CDH18: variants seen among roughly 807,000 people sequenced by gnomAD.
CDH18 encodes cadherin 18.
CDH18 carries 31 observed loss-of-function variants against 67.9 expected under a neutral mutation model. The observed-to-expected ratio is 0.46, with a 90% confidence interval of 0.34 to 0.62. The LOEUF (loss-of-function observed/expected upper bound fraction) is 0.62. CDH18 is among the 20% of genes least tolerant of loss of function. CDH18 has a pLI of 0.01. For missense variants in CDH18, 890 were observed against 975.5 expected, an observed-to-expected ratio of 0.91 and a Z score of 1.17; for synonymous variants, 362 against 347.2, an observed-to-expected ratio of 1.04 and a Z score of -0.48.
chr5:20,254,889 TAA>T (rs34130296), intron 2 of CDH18, among the ~76,000 whole-genome samples: 1 of 148,826 alleles, frequency 6.7e-6, no homozygotes, highest in Non-Finnish European at 1.5e-5. Flanking sequence ...AAAGATCGGA[TAA>T]AAAAAAAATG....
chr5:20,032,864 A>T (rs1045671021), intron 2 of CDH18, among the ~76,000 whole-genome samples: 1 of 152,064 alleles, frequency 6.6e-6, no homozygotes, highest in Non-Finnish European at 1.5e-5. Context: ...CCAGGGTCAC[A>T]TAACACATTA....
In CDH18 at chr5:20,296,129, C is replaced by T. The variant is rs139081367; in HGVS notation, c.-579-40624G>A. On this transcript the variant is annotated intron_variant, in intron 1 of 14. Coordinates refer to the CDH18 transcript ENST00000507958. ...GACCTCGTGATTCGCCCGCCTCAGC[C>T]TCCCAAAGTGCTGGGATTGCAGGTG... 5.1e-3 allele frequency among the ~76,000 whole-genome samples: 770 copies of T among 151,882 alleles called. 7 individuals carry two copies. Among genetic ancestry groups the T allele is most frequent in the African/African-American group, 0.018 (742 of 41,460 alleles).
intron 2 of CDH18, among the ~76,000 whole-genome samples, chr5:19,871,953 G>A (rs529221460): frequency 6.6e-6 from 1 of 152,248 alleles, no homozygotes; most frequent in South Asian, 2.1e-4. Context: ...AAAATGACAT[G>A]TGAGTTTCTT....
chr5:19,902,302 A>G (rs1043035041), intron 2 of CDH18, among the ~76,000 whole-genome samples: 4 of 152,160 alleles, frequency 2.6e-5, no homozygotes, highest in Non-Finnish European at 5.9e-5. Flanking sequence ...ATAAGAGAAT[A>G]TGGCTGAACG....
intron 2 of CDH18, among the ~76,000 whole-genome samples, chr5:19,885,151 G>A (rs1290173348): frequency 6.6e-6 from 1 of 152,060 alleles, no homozygotes; most frequent in Non-Finnish European, 1.5e-5. Flanking sequence ...ATGAACTCTG[G>A]TGCCAACATA....
At chr5:19,562,389 G>T (rs1270124577) in intron 8 of CDH18, among the ~76,000 whole-genome samples, 7 of 151,416 alleles carry the variant, frequency 4.6e-5, no homozygotes, top group Admixed American at 3.3e-4. Flanking sequence ...AAATAATTTG[G>T]TATTTCTAAT....
intron 5 of CDH18, among the ~76,000 whole-genome samples, chr5:19,672,321 C>A (rs189104542): frequency 1.1e-4 from 17 of 152,166 alleles, no homozygotes; most frequent in Admixed American, 7.2e-4. Context: ...CAATAAAATA[C>A]AAATTATAAT....
intron 1 of CDH18, among the ~76,000 whole-genome samples, chr5:20,394,553 C>G (rs1396773918): frequency 6.6e-6 from 1 of 151,994 alleles, no homozygotes; most frequent in Non-Finnish European, 1.5e-5. Flanking sequence ...AGCCCAAAAG[C>G]AAATTCAACA....
chr5:19,763,536 T>C (rs1334536433), intron 3 of CDH18, among the ~76,000 whole-genome samples: 1 of 152,176 alleles, frequency 6.6e-6, no homozygotes, highest in Non-Finnish European at 1.5e-5. Flanking sequence ...ATTTGAGGCA[T>C]GCTAAATGTG....
chr5:19,489,686 A>T (rs28646005), intron 11 of CDH18, among the ~76,000 whole-genome samples: 40,051 of 151,834 alleles, frequency 0.26, 5,831 homozygotes, highest in African/African-American at 0.36. Context: ...CAAGATTTTT[A>T]AAAAAAAGTA....
chr5:20,561,582 G>C (rs919321008), intron 1 of CDH18, among the ~76,000 whole-genome samples: 3 of 152,014 alleles, frequency 2.0e-5, no homozygotes, highest in African/African-American at 7.2e-5. Flanking sequence ...GTAGTTGCCA[G>C]GGGTAAGGGT....
chr5:19,505,718 G>A (rs1304648841), intron 10 of CDH18, among the ~76,000 whole-genome samples: 1 of 152,060 alleles, frequency 6.6e-6, no homozygotes, highest in Non-Finnish European at 1.5e-5. Flanking sequence ...GATTCGGTTT[G>A]CCAGTATTTT....
At chr5:19,685,296 G>A (rs1195263179) in intron 5 of CDH18, among the ~76,000 whole-genome samples, 1 of 152,162 alleles carries the variant, frequency 6.6e-6, no homozygotes, top group African/African-American at 2.4e-5. Flanking sequence ...CTGGTCAGGT[G>A]ACTCTACTAG....
At chr5:20,391,507 A>AATT (rs763824034) in intron 1 of CDH18, among the ~76,000 whole-genome samples, 2 of 152,076 alleles carry the variant, frequency 1.3e-5, no homozygotes, top group Non-Finnish European at 2.9e-5. Flanking sequence ...AATCAATTAT[A>AATT]ATTATTATTA....
intron 9 of CDH18, among the ~76,000 whole-genome samples, chr5:19,537,200 C>T (rs1749554347): frequency 1.3e-5 from 2 of 152,058 alleles, no homozygotes. Context: ...TAATTCCCCC[C>T]CAGTGACAGA....
intron 2 of CDH18, among the ~76,000 whole-genome samples, chr5:19,907,758 AATATT>A (rs1790685736): frequency 1.3e-5 from 2 of 152,082 alleles, no homozygotes; most frequent in African/African-American, 4.8e-5. Context: ...ATTTCTATAA[AATATT>A]ATCACATCAT....
intron 5 of CDH18, among the ~76,000 whole-genome samples, chr5:19,684,790 A>G (rs1760831818): frequency 6.6e-6 from 1 of 152,112 alleles, no homozygotes; most frequent in Non-Finnish European, 1.5e-5. Flanking sequence ...TTGATTTCCC[A>G]CAATTGAAGT....
intron 4 of CDH18, among the ~76,000 whole-genome samples, chr5:19,729,694 C>T (rs972029937): frequency 6.6e-6 from 1 of 152,170 alleles, no homozygotes; most frequent in African/African-American, 2.4e-5. Flanking sequence ...CACTGTTGTG[C>T]TCCTCTGCAG....
At chr5:20,532,933 G>A (rs2126560256) in intron 1 of CDH18, among the ~76,000 whole-genome samples, 1 of 150,718 alleles carries the variant, frequency 6.6e-6, no homozygotes, top group South Asian at 2.1e-4. Context: ...CCCTCGTACA[G>A]TTTGACTTGT....
Sources: gnomAD v4.1 joint callset for allele counts (sites outside exome capture counted in the v4.1 genomes callset) on GRCh38, gnomAD v4.1.1 for gene constraint, MANE v1.5 for transcripts, NCBI Gene and HGNC (gene_info 2026-07-23, HGNC 2026-07-21) for gene names.